The following MBNL1 variants were observed in gnomAD, a reference collection of about 807,000 sequenced individuals.
MBNL1 encodes the protein muscleblind like splicing regulator 1, also known as muscleblind-like protein 1.
A neutral mutation model predicts 42.2 loss-of-function variants in MBNL1; 8 were observed. That is an observed-to-expected ratio of 0.19 (90% CI 0.11 to 0.34). The LOEUF (loss-of-function observed/expected upper bound fraction) is 0.34, where lower values mean the gene tolerates loss of function less well. Among genes scored for constraint, MBNL1 ranks in the 10% least tolerant of loss-of-function variants. The probability of loss-of-function intolerance (pLI) is 1.00; values close to 1 mark genes in which losing one functional copy is unlikely to be tolerated. For missense variants in MBNL1, 309 were observed against 495.3 expected, an observed-to-expected ratio of 0.62 and a Z score of 3.57; for synonymous variants, 169 against 173.9, an observed-to-expected ratio of 0.97 and a Z score of 0.22.
chr3:152,428,120 T>C (rs2098959208), intron 3 of MBNL1, among the ~76,000 whole-genome samples: 1 of 151,992 alleles, frequency 6.6e-6, no homozygotes. Flanking sequence ...ATTATTGAAT[T>C]TTGAGGTAAA....
At position 152,415,073 on chromosome 3, in the gene MBNL1, G is replaced by T. The variant is rs1289171216; in HGVS notation, c.307G>T (p.Ala103Ser). 6.2e-7 allele frequency: 1 copy of T among 1,605,282 alleles called. No homozygotes were observed. The highest frequency in any genetic ancestry group is 2.2e-5 in the East Asian group (1 of 44,578). ...MAMLAQQMQL[A>S]NAMMPGAPLQ... ...CATGTTGGCCCAGCAAATGCAACTA[G>T]CCAATGCCATGATGCCTGGTGCCCC... Residue 103 changes from alanine to serine, a missense_variant, in exon 3 of 10, where the codon GCC (alanine) becomes TCC (serine). Physicochemically the swap from Ala to Ser is moderately conservative, Grantham distance 99. Coordinates refer to ENST00000324210, the MANE Select transcript of MBNL1 (RefSeq NM_021038.5).
intron 6 of MBNL1, among the ~76,000 whole-genome samples, chr3:152,448,088 G>C (rs1369170597): frequency 6.6e-6 from 1 of 151,990 alleles, no homozygotes; most frequent in Non-Finnish European, 1.5e-5. Context: ...GCTATTTTAT[G>C]ATACTTTCTT....
At chr3:152,433,149 G>A (rs764007155) in intron 4 of MBNL1, among the ~76,000 whole-genome samples, 1 of 152,148 alleles carries the variant, frequency 6.6e-6, no homozygotes, top group South Asian at 2.1e-4. Flanking sequence ...GAGGTTGGAC[G>A]CTAAAGTCAC....
At chr3:152,256,618 C>T (rs2035476407) in intron 2 of MBNL1, among the ~76,000 whole-genome samples, 1 of 152,120 alleles carries the variant, frequency 6.6e-6, no homozygotes, top group South Asian at 2.1e-4. Context: ...TGAATCATAT[C>T]ACTACATTTT....
At chr3:152,340,511 G>A in intron 2 of MBNL1, 7 of 1,569,804 alleles carry the variant, frequency 4.5e-6, no homozygotes, top group Non-Finnish European at 5.2e-6. Flanking sequence ...TAAAAATAGT[G>A]GAAGTTGGGA....
At chr3:152,399,381 C>T (rs2098120350) in intron 2 of MBNL1, among the ~76,000 whole-genome samples, 1 of 152,082 alleles carries the variant, frequency 6.6e-6, no homozygotes, top group Non-Finnish European at 1.5e-5. Context: ...AATTGTTCTG[C>T]TTTCTCTTTT....
At position 152,462,779 on chromosome 3, in the gene MBNL1, T is replaced by A. The variant is rs1441898486; in HGVS notation, c.*413T>A. The stretch of plus-strand genomic sequence containing the variant: ...GTCTGTAGACCAAGATATAATTTTT[T>A]AAAAATAAGTTTATTTCTTTCAAGG... On this transcript the variant is annotated 3_prime_UTR_variant, in exon 10 of 10. Transcript: ENST00000324210. 1.3e-5 allele frequency: 2 copies of A among 152,210 alleles called. No individual in the cohort carries two copies. The highest frequency in any genetic ancestry group is 2.9e-5 in the Non-Finnish European group (2 of 67,998). The allele number at this position is 152,210 out of a possible 1,614,324, so 9.4% of individuals were successfully genotyped here. A position where few individuals can be genotyped will look rare whatever the true frequency, so the allele number is the denominator to read the frequency against.
chr3:152,351,978 C>A (rs2095053435), intron 2 of MBNL1, among the ~76,000 whole-genome samples: 1 of 152,036 alleles, frequency 6.6e-6, no homozygotes, highest in African/African-American at 2.4e-5. Flanking sequence ...ATTTTTTTCA[C>A]AAATGATCGA....
chr3:152,327,104 C>T (rs1038050570), intron 2 of MBNL1, among the ~76,000 whole-genome samples: 11 of 151,794 alleles, frequency 7.2e-5, no homozygotes, highest in African/African-American at 9.7e-5. Flanking sequence ...CCACTGCGCT[C>T]GGCTGATAAA....
chr3:152,385,669 G>C (rs1310003600), intron 2 of MBNL1, among the ~76,000 whole-genome samples: 2 of 151,994 alleles, frequency 1.3e-5, no homozygotes, highest in Non-Finnish European at 2.9e-5. Flanking sequence ...CATGCTAATA[G>C]ACTGATACTT....
At chr3:152,408,376 C>T (rs2098484932) in intron 2 of MBNL1, among the ~76,000 whole-genome samples, 1 of 151,996 alleles carries the variant, frequency 6.6e-6, no homozygotes, top group Non-Finnish European at 1.5e-5. Context: ...TATAACTACT[C>T]TAAAAATTTT....
At chr3:152,358,286 A>G (rs1049892647) in intron 2 of MBNL1, among the ~76,000 whole-genome samples, 1 of 152,182 alleles carries the variant, frequency 6.6e-6, no homozygotes, top group Non-Finnish European at 1.5e-5. Context: ...TTGATTAGTG[A>G]TATTTTATTA....
rs138427481 is a variant in MBNL1, at chr3:152,373,610, C to G, written c.175-41331C>G. Among the ~76,000 whole-genome samples the G allele has an allele frequency of 1.6e-4, 25 of 152,254 alleles. No homozygotes were observed. In the East Asian group the frequency reaches 2.1e-3, roughly 13 times the overall value. Reference sequence around the variant, plus strand: ...TTACCGTGTGAGGTGATGCACCCCCCCTGCTTTGGCTCGTGCTCTGTGGGC... The same window carrying G: ...TTACCGTGTGAGGTGATGCACCCCCGCTGCTTTGGCTCGTGCTCTGTGGGC... On this transcript the variant is annotated intron_variant, in intron 2 of 9. Coordinates refer to ENST00000324210, the MANE Select transcript of MBNL1 (RefSeq NM_021038.5).
intron 4 of MBNL1, among the ~76,000 whole-genome samples, chr3:152,436,884 C>T (rs906898202): frequency 6.6e-6 from 1 of 152,158 alleles, no homozygotes; most frequent in South Asian, 2.1e-4. Context: ...GATCTAAATG[C>T]TTGATTGTAG....
At chr3:152,262,991 T>C (rs1191520749) in intron 2 of MBNL1, 1 of 152,224 alleles carries the variant, frequency 6.6e-6, no homozygotes, top group African/African-American at 2.4e-5. Flanking sequence ...AGAGTGTTTA[T>C]AAATATATTA....
chr3:152,368,072 T>C (rs546797557), intron 2 of MBNL1, among the ~76,000 whole-genome samples: 1 of 152,300 alleles, frequency 6.6e-6, no homozygotes, highest in African/African-American at 2.4e-5. Context: ...GTTTTAGTCA[T>C]GAAGTCTTTG....
chr3:152,283,964 T>C (rs1467026096), intron 1 of MBNL1, among the ~76,000 whole-genome samples: 2 of 152,206 alleles, frequency 1.3e-5, no homozygotes, highest in African/African-American at 4.8e-5. Context: ...ACCTCTACTG[T>C]GTACTTCTCG....
intron 2 of MBNL1, among the ~76,000 whole-genome samples, chr3:152,259,246 G>A (rs1023055698): frequency 6.6e-6 from 1 of 152,162 alleles, no homozygotes; most frequent in African/African-American, 2.4e-5. Flanking sequence ...GTAAGTATGT[G>A]GGTGGGAGTT....
At chr3:152,448,687 T>C (rs1015094129) in intron 6 of MBNL1, among the ~76,000 whole-genome samples, 2 of 152,130 alleles carry the variant, frequency 1.3e-5, no homozygotes, top group African/African-American at 4.8e-5. Context: ...CCCAATTTTA[T>C]ATTAGACTAT....
Sources: allele counts gnomAD v4.1 joint callset (sites outside exome capture counted in the v4.1 genomes callset), GRCh38; gene constraint gnomAD v4.1.1; transcripts MANE v1.5; gene names NCBI Gene and HGNC (gene_info 2026-07-23, HGNC 2026-07-21).